NR1H3: variants seen among roughly 807,000 people sequenced by gnomAD.
The protein encoded by NR1H3 is oxysterols receptor LXR-alpha.
NR1H3 carries 19 observed loss-of-function variants against 48.1 expected under a neutral mutation model. That is an observed-to-expected ratio of 0.40 (90% CI 0.28 to 0.58). NR1H3 has a LOEUF of 0.58. Ranked by LOEUF, NR1H3 falls within the 20% of genes least tolerant of loss-of-function variation. The pLI is 0.50. For synonymous variants in NR1H3, 232 were observed against 227.3 expected, an observed-to-expected ratio of 1.02 and a Z score of -0.19; for missense variants, 486 against 595.9, an observed-to-expected ratio of 0.82 and a Z score of 1.92.
At chr11:47,255,525 C>CTCTT (rs144261611), upstream of NR1H3, among the ~76,000 whole-genome samples, 7 of 143,320 alleles carry the variant, frequency 4.9e-5, no homozygotes, top group South Asian at 2.2e-4. Context: ...GTGATAGACT[C>CTCTT]TCTTTCTTTC....
intron 1 of NR1H3, among the ~76,000 whole-genome samples, chr11:47,251,857 C>T (rs752389381): frequency 2.0e-5 from 3 of 152,038 alleles, no homozygotes; most frequent in Non-Finnish European, 4.4e-5. Context: ...AAGTATCCCA[C>T]GTAGGAGGGA....
chr11:47,267,963 A>G lies in NR1H3; in HGVS notation c.1039A>G (p.Asn347Asp), dbSNP rs1176444836. ...NPIFEFSRAM[N>D]ELQLNDAEFA... ...CATCTTCGAGTTCTCCAGGGCCATGAATGAGCTGCAACTCAATGATGCCGA... is the reference window on the plus strand; with the variant it reads ...CATCTTCGAGTTCTCCAGGGCCATGGATGAGCTGCAACTCAATGATGCCGA... The change falls in exon 8 of 10, where the codon AAT (asparagine) becomes GAT (aspartate). Residue 347 changes from asparagine to aspartate, a missense_variant. Asn to Asp is a conservative substitution (Grantham distance 23). Transcript: ENST00000441012. 1.2e-6 allele frequency: 2 copies of G among 1,613,964 alleles called. No homozygotes were observed. Among genetic ancestry groups the G allele is most frequent in the Non-Finnish European group, 1.7e-6 (2 of 1,180,028 alleles).
intron 7 of NR1H3, among the ~76,000 whole-genome samples, 192 bp from the exon 8 acceptor site, chr11:47,267,721 C>A (rs867029433): frequency 6.6e-6 from 1 of 152,154 alleles, no homozygotes; most frequent in Non-Finnish European, 1.5e-5. Flanking sequence ...GTTGGCCAGG[C>A]TCTTCTCGAA....
Position 47,268,043 on chromosome 11 carries a change from AT to A in NR1H3, c.1102+18del. On this transcript the variant is annotated intron_variant, in intron 8 of 9. Transcript: ENST00000441012. ...TCTCTGCAGGTGTGGAGGAGGGGCA[AT>A]GGGAAACAGCAAGAGACTTACACCA... 6.6e-7 allele frequency: 1 copy of A among 1,511,932 alleles called. No homozygotes were observed. Among genetic ancestry groups the A allele is most frequent in the Non-Finnish European group, 9.0e-7 (1 of 1,108,936 alleles). 93.7% of individuals were successfully genotyped at this position (1,511,932 alleles called of 1,614,324 possible).
intron 3 of NR1H3, 115 bp downstream of exon 3, chr11:47,260,094 C>G (rs1955668422): frequency 1.0e-6 from 1 of 995,444 alleles, no homozygotes; most frequent in African/African-American, 1.7e-5. Context: ...AGTTCAGAGG[C>G]TTTAGAGCTA....
At chr11:47,254,079 C>A (rs960943739), upstream of NR1H3, among the ~76,000 whole-genome samples, 2 of 152,192 alleles carry the variant, frequency 1.3e-5, no homozygotes, top group Admixed American at 1.3e-4. Flanking sequence ...TGAGCTGTAA[C>A]CTGATAGGAC....
chr11:47,260,427 G>C lies in NR1H3; in HGVS notation c.251G>C (p.Arg84Pro), dbSNP rs760894618. ...TATCCAGAGATCCGTCCACAAAAGCGGAAAAAGGGGCCAGCCCCCAAAATG... is the reference window on the plus strand; with the variant it reads ...TATCCAGAGATCCGTCCACAAAAGCCGAAAAAGGGGCCAGCCCCCAAAATG... ...SEPTEIRPQKRKKGPAPKMLG... is the reference protein window; with the variant it reads ...SEPTEIRPQKPKKGPAPKMLG... The change falls in exon 4 of 10, where the codon CGG (arginine) becomes CCG (proline). Residue 84 changes from arginine (R) to proline (P), a missense_variant. Physicochemically the swap from Arg to Pro is moderately radical, Grantham distance 103. Transcript: ENST00000441012. The C allele has an allele frequency of 6.2e-7, 1 of 1,613,316 alleles. No homozygotes were observed. Among genetic ancestry groups the C allele is most frequent in the South Asian group, 1.1e-5 (1 of 91,062 alleles).
At chr11:47,263,736 G>A (rs1482953690) in intron 7 of NR1H3, among the ~76,000 whole-genome samples, 1 of 151,540 alleles carries the variant, frequency 6.6e-6, no homozygotes, top group Non-Finnish European at 1.5e-5. Context: ...CTGAGTAGCT[G>A]GGACTACAGG....
intron 7 of NR1H3, among the ~76,000 whole-genome samples, chr11:47,267,698 G>A (rs571023090): frequency 4.6e-5 from 7 of 152,136 alleles, no homozygotes; most frequent in African/African-American, 1.2e-4. Context: ...TAGTACAGAC[G>A]GGGTTTCGCC....
At chr11:47,249,137 C>T (rs1565170489) in intron 1 of NR1H3, 1 of 806,384 alleles carries the variant, frequency 1.2e-6, no homozygotes, top group East Asian at 2.9e-5. Flanking sequence ...GTCTGGAGAA[C>T]CAGCGTCCCC....
intron 7 of NR1H3, among the ~76,000 whole-genome samples, chr11:47,262,475 A>G (rs1349750034): frequency 6.6e-6 from 1 of 151,038 alleles, no homozygotes; most frequent in African/African-American, 2.4e-5. Flanking sequence ...CTGGGATTAC[A>G]GGCGTGAGCC....
rs372362978 is a variant in NR1H3 at position 47,261,440 on chromosome 11, T to C, written c.699T>C (p.Leu233=). 20 of 1,613,974 alleles carry C rather than the reference T, an allele frequency of 1.2e-5. No individual in the cohort carries two copies. The African/African-American group carries it at 2.5e-4, about 20-fold the overall frequency. ...ACCGGCGCTCCTTTTCTGACCGGCTTCGAGTCACGGTACTTGACACACCTG... is the reference window on the plus strand; with the variant it reads ...ACCGGCGCTCCTTTTCTGACCGGCTCCGAGTCACGGTACTTGACACACCTG... The part of the protein sequence containing the change: ...QCNRRSFSDR[L]RVTPWPMAPD... Residue 233 remains leucine (L), a synonymous_variant, in exon 5 of 10, where the codon CTT becomes CTC. Transcript: ENST00000441012.
chr11:47,263,440 T>C, intron 7 of NR1H3, among the ~76,000 whole-genome samples: 1 of 151,746 alleles, frequency 6.6e-6, no homozygotes, highest in Non-Finnish European at 1.5e-5. Context: ...ATTTTTATAT[T>C]TTTTTGTAGA....
chr11:47,254,228 G>C (rs912804657), upstream of NR1H3, among the ~76,000 whole-genome samples: 3 of 152,192 alleles, frequency 2.0e-5, no homozygotes, highest in Admixed American at 2.0e-4. Context: ...AGGTGTCAGG[G>C]GAGGGAGTTG....
At position 47,267,917 on chromosome 11, in the gene NR1H3, G is replaced by A; in HGVS notation, c.993G>A (p.Leu331=). The stretch of plus-strand genomic sequence containing the variant: ...GCCTCCCTTCTTCCTCCCCAGGGCT[G>A]CAAGTGGAATTCATCAACCCCATCT... The part of the protein sequence containing the change: ...YNREDFAKAG[L]QVEFINPIFE... Residue 331 remains leucine, a synonymous_variant, in exon 8 of 10, where the codon CTG becomes CTA. Transcript: ENST00000441012. 1 of 1,612,750 alleles carries A rather than the reference G, an allele frequency of 6.2e-7. No individual in the cohort carries two copies. Among genetic ancestry groups the A allele is most frequent in the Non-Finnish European group, 8.5e-7 (1 of 1,178,852 alleles).
At chr11:47,249,045 G>A in intron 1 of NR1H3, 2 of 1,437,018 alleles carry the variant, frequency 1.4e-6, no homozygotes, top group Non-Finnish European at 1.8e-6. Context: ...ACCTCATCTT[G>A]ATTAAGAAGG....
At chr11:47,265,262 C>A (rs1342726841) in intron 7 of NR1H3, among the ~76,000 whole-genome samples, 1 of 151,910 alleles carries the variant, frequency 6.6e-6, no homozygotes, top group African/African-American at 2.4e-5. Flanking sequence ...CACTGCACTC[C>A]AGCCTGGGTG....
intron 3 of NR1H3, among the ~76,000 whole-genome samples, 159 bp downstream of exon 3, chr11:47,260,138 C>T (rs996941383): frequency 2.6e-5 from 4 of 152,206 alleles, no homozygotes; most frequent in African/African-American, 9.7e-5. Flanking sequence ...TGAATTTTGT[C>T]TCTAGGCCTT....
At chr11:47,266,998 G>A (rs1956553423) in intron 7 of NR1H3, among the ~76,000 whole-genome samples, 1 of 152,016 alleles carries the variant, frequency 6.6e-6, no homozygotes, top group Non-Finnish European at 1.5e-5. Context: ...GAAATGTGGA[G>A]CCCTCAAGAA....
Sources: allele counts gnomAD v4.1 joint callset (sites outside exome capture counted in the v4.1 genomes callset), GRCh38; gene constraint gnomAD v4.1.1; transcripts MANE v1.5; gene names NCBI Gene and HGNC (gene_info 2026-07-23, HGNC 2026-07-21).